The following PRELID2 variants were observed in gnomAD, a reference collection of about 807,000 sequenced individuals.
The protein encoded by PRELID2 is PRELI domain containing 2.
In PRELID2, 25 loss-of-function variants were observed where a neutral mutation model predicts 28.4. That is an observed-to-expected ratio of 0.88 (90% confidence interval 0.64 to 1.23). The LOEUF is 1.23. Among genes scored for constraint, PRELID2 ranks in the 50% most tolerant of loss-of-function variants. PRELID2 has a pLI of 0.00. For missense variants in PRELID2, 201 were observed against 214.4 expected, an observed-to-expected ratio of 0.94 and a Z score of 0.39; for synonymous variants, 76 against 71.6, an observed-to-expected ratio of 1.06 and a Z score of -0.31.
chr5:145,300,943 T>C, the PRELID2 span, among the ~76,000 whole-genome samples: 7 of 152,090 alleles, frequency 4.6e-5, no homozygotes, highest in African/African-American at 1.7e-4. Flanking sequence ...AAGTGTAGCT[T>C]CTCACGTCCC....
At chr5:145,236,560 C>T in the PRELID2 span, among the ~76,000 whole-genome samples, 2 of 152,080 alleles carry the variant, frequency 1.3e-5, no homozygotes, top group Admixed American at 1.3e-4. Context: ...CTCCTAAAAC[C>T]CACATTGATA....
At position 145,537,088 on chromosome 5, in the gene PRELID2, G is replaced by A. The variant is rs77329086; in HGVS notation, n.71-63773C>T. Among the ~76,000 whole-genome samples the A allele has an allele frequency of 7.7e-3, 1,167 of 151,850 alleles. 21 individuals are homozygous for A. The highest frequency in any genetic ancestry group is 0.027 in the African/African-American group (1,118 of 41,470). ...CTAGAATCCCGTCTTGTAAAAGAAC[G>A]TTTTCTATGCATAGTTTTTACTTAC... On this transcript the variant is annotated intron_variant and non_coding_transcript_variant, in intron 1 of 2. Coordinates refer to the PRELID2 transcript ENST00000510259.
At chr5:145,696,657 T>A (rs1489531960) in intron 1 of PRELID2, among the ~76,000 whole-genome samples, 1 of 151,648 alleles carries the variant, frequency 6.6e-6, no homozygotes, top group Non-Finnish European at 1.5e-5. Context: ...AGAGACGGAG[T>A]TGCACCATGT....
Position 145,759,947 on chromosome 5 carries a change from C to T in PRELID2, c.*589G>A, listed in dbSNP as rs1453564193. The T allele has an allele frequency of 6.6e-6, 1 of 151,988 alleles. No homozygotes were observed. The highest frequency in any genetic ancestry group is 1.5e-5 in the Non-Finnish European group (1 of 68,006). 9.4% of individuals were successfully genotyped at this position (151,988 alleles called of 1,614,324 possible). On this transcript the variant is annotated 3_prime_UTR_variant, in exon 7 of 7. Transcript: ENST00000683046. ...CTAAAAGCTATACTTATGGCAGTTA[C>T]ATATTACTTATGGATAGGATAAAAA...
At chr5:145,576,782 A>G (rs1466319944) in intron 1 of PRELID2, among the ~76,000 whole-genome samples, 1 of 152,168 alleles carries the variant, frequency 6.6e-6, no homozygotes, top group African/African-American at 2.4e-5. Context: ...ACAGCAATTT[A>G]TTATATATTT....
chr5:145,778,076 G>A lies in PRELID2; in HGVS notation c.475-13076C>T, dbSNP rs566343876. On this transcript the variant is annotated intron_variant, in intron 5 of 6. Coordinates refer to ENST00000683046, the MANE Select transcript of PRELID2 (RefSeq NM_205846.3). Reference sequence around the variant, plus strand: ...CAGTCCCACCAGAGTGGGAATTTGTGTGCCTTTTCTTGGCCTGCCTATGGC... The same window carrying A: ...CAGTCCCACCAGAGTGGGAATTTGTATGCCTTTTCTTGGCCTGCCTATGGC... 2.0e-5 allele frequency among the ~76,000 whole-genome samples: 3 copies of A among 152,296 alleles called. 1 individual carries two copies. In the South Asian group the frequency reaches 6.2e-4, roughly 32 times the overall value.
intron 1 of PRELID2, among the ~76,000 whole-genome samples, chr5:145,571,914 G>A (rs536999478): frequency 3.2e-4 from 48 of 151,660 alleles, no homozygotes; most frequent in Middle Eastern, 3.4e-3. Context: ...CCCAGGAGGC[G>A]GAGCTTGCTG....
intron 1 of PRELID2, among the ~76,000 whole-genome samples, chr5:145,642,896 C>T (rs191357025): frequency 2.1e-4 from 32 of 152,288 alleles, no homozygotes; most frequent in Admixed American, 1.5e-3. Flanking sequence ...GGTACCAGTA[C>T]CATGCTGTTT....
At chr5:145,791,873 G>A (rs948285486) in intron 5 of PRELID2, among the ~76,000 whole-genome samples, 19 of 152,164 alleles carry the variant, frequency 1.2e-4, no homozygotes, top group African/African-American at 4.6e-4. Flanking sequence ...AAAAATGGGT[G>A]AAACGTTAGC....
intron 1 of PRELID2, among the ~76,000 whole-genome samples, chr5:145,571,595 A>G (rs1753015320): frequency 6.6e-6 from 1 of 152,228 alleles, no homozygotes; most frequent in Non-Finnish European, 1.5e-5. Flanking sequence ...CCTTCTGTAG[A>G]GAATCCCCCT....
chr5:145,270,560 TTTAACTA>T, the PRELID2 span, among the ~76,000 whole-genome samples: 1 of 152,148 alleles, frequency 6.6e-6, no homozygotes, highest in Non-Finnish European at 1.5e-5. Flanking sequence ...GAATAACACT[TTTAACTA>T]TTATGATTAA....
intron 1 of PRELID2, among the ~76,000 whole-genome samples, chr5:145,511,883 C>T (rs960904186): frequency 2.6e-5 from 4 of 152,028 alleles, no homozygotes; most frequent in African/African-American, 4.8e-5. Context: ...TGGAAGCTGA[C>T]GAGAGAGAGA....
the PRELID2 span, among the ~76,000 whole-genome samples, chr5:145,394,700 C>T: frequency 6.6e-5 from 10 of 152,106 alleles, no homozygotes; most frequent in Non-Finnish European, 1.5e-4. Flanking sequence ...CCATTTGAAC[C>T]TGTAAATAAC....
the PRELID2 span, among the ~76,000 whole-genome samples, chr5:145,403,551 A>T: frequency 6.6e-6 from 1 of 152,160 alleles, no homozygotes; most frequent in Non-Finnish European, 1.5e-5. Context: ...GAAGAACAGA[A>T]CTCAATTCCC....
chr5:145,813,562 T>G (rs1028010451), intron 4 of PRELID2, among the ~76,000 whole-genome samples: 4 of 151,770 alleles, frequency 2.6e-5, no homozygotes, highest in African/African-American at 9.8e-5. Flanking sequence ...CTCACCACTG[T>G]GCTCAAGGTG....
At chr5:145,325,569 G>C in the PRELID2 span, among the ~76,000 whole-genome samples, 3 of 152,150 alleles carry the variant, frequency 2.0e-5, no homozygotes, top group Non-Finnish European at 1.5e-5. Flanking sequence ...AAATAACCCT[G>C]TGGAAAAATT....
intron 1 of PRELID2, among the ~76,000 whole-genome samples, chr5:145,500,983 G>C (rs1752355751): frequency 6.6e-6 from 1 of 152,110 alleles, no homozygotes; most frequent in African/African-American, 2.4e-5. Flanking sequence ...GGGAGGACCT[G>C]GCCTCCTGGA....
intron 1 of PRELID2, among the ~76,000 whole-genome samples, chr5:145,506,757 A>T (rs1028523269): frequency 6.6e-6 from 1 of 152,082 alleles, no homozygotes; most frequent in Non-Finnish European, 1.5e-5. Context: ...TAAGACCAAT[A>T]ATTCCATCTG....
At chr5:145,579,782 G>A (rs1753092304) in intron 1 of PRELID2, among the ~76,000 whole-genome samples, 1 of 151,964 alleles carries the variant, frequency 6.6e-6, no homozygotes, top group South Asian at 2.1e-4. Flanking sequence ...AAGTTATTGG[G>A]TCTTATCCAA....
Sources: gnomAD v4.1 joint callset for allele counts (sites outside exome capture counted in the v4.1 genomes callset) on GRCh38, gnomAD v4.1.1 for gene constraint, MANE v1.5 for transcripts, NCBI Gene and HGNC (gene_info 2026-07-23, HGNC 2026-07-21) for gene names.